WWTR1: variants seen among roughly 807,000 people sequenced by gnomAD.
The protein encoded by WWTR1 is WW domain containing transcription regulator 1.
In WWTR1, 13 loss-of-function variants were observed where a neutral mutation model predicts 40.1. The ratio of observed to expected loss-of-function variants is 0.32; its 90% CI spans 0.21 to 0.52. The LOEUF (loss-of-function observed/expected upper bound fraction) is 0.52, where lower values mean the gene tolerates loss of function less well. Among genes scored for constraint, WWTR1 ranks in the 20% least tolerant of loss-of-function variants. The pLI is 0.97. For missense variants in WWTR1, 436 were observed against 523.1 expected (o/e 0.83, Z 1.63); for synonymous variants, 230 against 210.1 (o/e 1.09, Z -0.82).
intron 3 of WWTR1, among the ~76,000 whole-genome samples, chr3:149,559,924 C>A (rs1737012303): frequency 6.6e-6 from 1 of 152,212 alleles, no homozygotes; most frequent in African/African-American, 2.4e-5. Flanking sequence ...GCTACCCCAA[C>A]AGACCGGTTG....
intron 5 of WWTR1, among the ~76,000 whole-genome samples, chr3:149,709,317 G>A (rs1576648872): frequency 6.6e-6 from 1 of 151,150 alleles, no homozygotes; most frequent in Non-Finnish European, 1.5e-5. Context: ...TTGGTGTGAC[G>A]TGTTAACTCA....
In WWTR1 at chr3:149,601,860, T is replaced by C. The variant is rs114080730; in HGVS notation, c.432-28860A>G. Among the ~76,000 whole-genome samples the C allele has an allele frequency of 4.1e-3, 627 of 152,304 alleles. 6 individuals are homozygous for C. The highest frequency in any genetic ancestry group is 0.014 in the African/African-American group (581 of 41,564). ...CAGTACAGCAAGTAAGCAAGCCATG[T>C]AATCATATGGTACAGAGGGAGTGGC... On this transcript the variant is annotated intron_variant, in intron 2 of 6. Coordinates refer to ENST00000360632, the MANE Select transcript of WWTR1 (RefSeq NM_015472.6).
In WWTR1 at chr3:149,696,468, C is replaced by T. The variant is rs191826340; in HGVS notation, c.-108+6656G>A. On this transcript the variant is annotated intron_variant, in intron 1 of 7. Transcript: ENST00000465804. ...ACTAATAGTATCCCCATTTTGACCCCATTTTTACTCCCATCTTGCAAATTA... is the reference window on the plus strand; with the variant it reads ...ACTAATAGTATCCCCATTTTGACCCTATTTTTACTCCCATCTTGCAAATTA... Among the ~76,000 whole-genome samples the T allele has an allele frequency of 3.9e-5, 6 of 152,294 alleles. No individual in the cohort carries two copies. The East Asian group carries it at 7.7e-4, about 20-fold the overall frequency.
chr3:149,672,692 CCTA>C (rs1390812772), intron 1 of WWTR1, among the ~76,000 whole-genome samples: 1 of 151,514 alleles, frequency 6.6e-6, no homozygotes, highest in Non-Finnish European at 1.5e-5. Context: ...TAATTTTATG[CCTA>C]CTTTTTATTT....
At chr3:149,656,070 T>G (rs979363551) in intron 2 of WWTR1, among the ~76,000 whole-genome samples, 1 of 152,206 alleles carries the variant, frequency 6.6e-6, no homozygotes, top group Admixed American at 6.5e-5. Flanking sequence ...GTAGTTATCT[T>G]AGGGTACCAC....
chr3:149,614,111 T>C (rs1033729991), intron 2 of WWTR1, among the ~76,000 whole-genome samples: 11 of 152,214 alleles, frequency 7.2e-5, no homozygotes, highest in African/African-American at 2.4e-4. Context: ...TTTACTTATA[T>C]TTCATCTGGG....
At chr3:149,708,734 T>C (rs1484805467) in intron 5 of WWTR1, among the ~76,000 whole-genome samples, 1 of 152,234 alleles carries the variant, frequency 6.6e-6, no homozygotes, top group African/African-American at 2.4e-5. Flanking sequence ...TTAGGTTGAT[T>C]TCATATCTTG....
At chr3:149,586,045 CAT>C (rs1009677124) in intron 2 of WWTR1, among the ~76,000 whole-genome samples, 28 of 152,238 alleles carry the variant, frequency 1.8e-4, no homozygotes, top group African/African-American at 6.5e-4. Flanking sequence ...ATAAAAAATA[CAT>C]GATTGATTTA....
chr3:149,646,009 T>C (rs933774723), intron 2 of WWTR1, among the ~76,000 whole-genome samples: 2 of 152,206 alleles, frequency 1.3e-5, no homozygotes, highest in East Asian at 1.9e-4. Flanking sequence ...AAATATATTA[T>C]GTACTAGAAA....
chr3:149,595,925 C>T (rs1332243788), intron 2 of WWTR1, among the ~76,000 whole-genome samples: 7 of 151,866 alleles, frequency 4.6e-5, no homozygotes, highest in East Asian at 1.9e-4. Flanking sequence ...CCCAGCTACT[C>T]GGGAGGCTGA....
intron 5 of WWTR1, among the ~76,000 whole-genome samples, chr3:149,716,036 C>T (rs1378149492): frequency 6.6e-6 from 1 of 152,100 alleles, no homozygotes; most frequent in Admixed American, 6.5e-5. Flanking sequence ...AACATGAATT[C>T]TCTATTCAGT....
chr3:149,683,598 G>A (rs143386718), intron 1 of WWTR1, among the ~76,000 whole-genome samples: 3,224 of 152,318 alleles, frequency 0.021, 65 homozygotes, highest in South Asian at 0.092. Context: ...GGAGGCTGAG[G>A]CAGGAGAATC....
At chr3:149,542,637 G>A in intron 3 of WWTR1, 100 bp from the exon 4 acceptor site, 1 of 1,234,224 alleles carries the variant, frequency 8.1e-7, no homozygotes, top group Non-Finnish European at 1.1e-6. Context: ...ATAGATTCCT[G>A]AGATTCCTTC....
chr3:149,578,467 T>G (rs55975928), intron 2 of WWTR1, among the ~76,000 whole-genome samples: 4,501 of 152,260 alleles, frequency 0.03, 86 homozygotes, highest in African/African-American at 0.064. Context: ...CCTTCCAAGG[T>G]TGGCAACACT....
chr3:149,675,393 G>A (rs189598788), intron 1 of WWTR1, among the ~76,000 whole-genome samples: 460 of 152,308 alleles, frequency 3.0e-3, no homozygotes, highest in Non-Finnish European at 5.6e-3. Context: ...CTAGGGTGAT[G>A]CCTAGATCTC....
At chr3:149,716,157 T>G (rs1004566230) in intron 5 of WWTR1, among the ~76,000 whole-genome samples, 2 of 151,940 alleles carry the variant, frequency 1.3e-5, no homozygotes, top group African/African-American at 4.8e-5. Flanking sequence ...CCGAGATGGG[T>G]GGATCACTTG....
At chr3:149,524,883 T>C (rs1267176592) in intron 6 of WWTR1, among the ~76,000 whole-genome samples, 1 of 152,228 alleles carries the variant, frequency 6.6e-6, no homozygotes, top group Non-Finnish European at 1.5e-5. Flanking sequence ...TCAATGATAA[T>C]GGAGAAGGAA....
chr3:149,672,840 G>A (rs1714140591), intron 1 of WWTR1, among the ~76,000 whole-genome samples: 1 of 148,428 alleles, frequency 6.7e-6, no homozygotes, highest in Non-Finnish European at 1.5e-5. Flanking sequence ...CTGGAGTACA[G>A]TGATACCATC....
rs563658190 is a variant in WWTR1 at position 149,594,950 on chromosome 3, C to CTTTTT, written c.432-21955_432-21951dup. Reference sequence around the variant, plus strand: ...CATATTGCCTATAACCTCTTTTTTACTTTTTTTTTTTTTTTTTTTTTTTTT... The same window carrying CTTTTT: ...CATATTGCCTATAACCTCTTTTTTACTTTTTTTTTTTTTTTTTTTTTTTTTTTTTT... On this transcript the variant is annotated intron_variant, in intron 2 of 6. Coordinates refer to ENST00000360632, the MANE Select transcript of WWTR1 (RefSeq NM_015472.6). 2.3e-3 allele frequency among the ~76,000 whole-genome samples: 139 copies of CTTTTT among 61,768 alleles called. 10 individuals carry two copies. Among genetic ancestry groups the CTTTTT allele is most frequent in the Non-Finnish European group, 3.4e-3 (99 of 29,038 alleles). The allele number at this position is 61,768 out of a possible 152,430, so 40.5% of individuals were successfully genotyped here.
Sources: allele counts gnomAD v4.1 joint callset (sites outside exome capture counted in the v4.1 genomes callset), GRCh38; gene constraint gnomAD v4.1.1; transcripts MANE v1.5; gene names NCBI Gene and HGNC (gene_info 2026-07-23, HGNC 2026-07-21).